Variants in CACNA1G observed in about 807,000 individuals in gnomAD.
CACNA1G encodes voltage-dependent T-type calcium channel subunit alpha-1G.
CACNA1G carries 67 observed loss-of-function variants against 219.4 expected under a neutral mutation model. That is an observed-to-expected ratio of 0.31 (90% CI 0.25 to 0.37). CACNA1G has a LOEUF of 0.37. Ranked by LOEUF, CACNA1G falls within the 10% of genes least tolerant of loss-of-function variation. The pLI is 1.00. For missense variants in CACNA1G, 2,380 were observed against 3,231.4 expected, an observed-to-expected ratio of 0.74 and a Z score of 6.39; for synonymous variants, 1,296 against 1,345.3, an observed-to-expected ratio of 0.96 and a Z score of 0.80.
chr17:50,570,699 C>G (rs2039231551), intron 4 of CACNA1G, among the ~76,000 whole-genome samples: 1 of 152,146 alleles, frequency 6.6e-6, no homozygotes, highest in Non-Finnish European at 1.5e-5. Flanking sequence ...CGCCTCCTCT[C>G]CCGCCCCAGG....
intron 26 of CACNA1G, among the ~76,000 whole-genome samples, chr17:50,614,912 C>A (rs1275786917): frequency 6.6e-6 from 1 of 152,238 alleles, no homozygotes; most frequent in Non-Finnish European, 1.5e-5. Flanking sequence ...ATCTCCTCTG[C>A]TCCCCCGAGG....
chr17:50,606,880 C>T lies in CACNA1G; in HGVS notation c.4423-20C>T, dbSNP rs1482095102. The T allele has an allele frequency of 6.3e-7, 1 of 1,589,420 alleles. No individual in the cohort carries two copies. The highest frequency in any genetic ancestry group is 1.1e-5 in the South Asian group (1 of 90,314). Reference sequence around the variant, plus strand: ...ACACATCCTAGACTTCAAATGTCTCCTTCTCCTCCTCCCCATCAGGCCCTG... The same window carrying T: ...ACACATCCTAGACTTCAAATGTCTCTTTCTCCTCCTCCCCATCAGGCCCTG... On this transcript the variant is annotated intron_variant, in intron 23 of 37. Coordinates refer to ENST00000359106, the MANE Select transcript of CACNA1G (RefSeq NM_018896.5).
intron 13 of CACNA1G, among the ~76,000 whole-genome samples, chr17:50,594,471 A>G (rs1026683831): frequency 6.6e-5 from 10 of 151,900 alleles, no homozygotes; most frequent in Non-Finnish European, 1.3e-4. Context: ...CTTCCTACCC[A>G]TTCCCCAAGC....
At chr17:50,597,606 T>C in intron 16 of CACNA1G, among the ~76,000 whole-genome samples, 1 of 152,262 alleles carries the variant, frequency 6.6e-6, no homozygotes, top group East Asian at 1.9e-4. Flanking sequence ...AGCATATGCA[T>C]CACTTCACAT....
At position 50,578,354 on chromosome 17, in the gene CACNA1G, A is replaced by G. The variant is rs769739522; in HGVS notation, c.2091A>G (p.Thr697=). The part of the protein sequence containing the change: ...DSDSEAVYEF[T]QDAQHSDLRD... ...ACAGCGAGGCAGTTTATGAGTTCACACAGGATGCCCAGCACAGCGACCTCC... is the reference window on the plus strand; with the variant it reads ...ACAGCGAGGCAGTTTATGAGTTCACGCAGGATGCCCAGCACAGCGACCTCC... Residue 697 remains threonine, a synonymous_variant, in exon 9 of 38, where the codon ACA becomes ACG. Coordinates refer to ENST00000359106, the MANE Select transcript of CACNA1G (RefSeq NM_018896.5). This position sits in a 1 kb window ranked among gnomAD's most constrained non-coding sequence, Gnocchi z 4.5. 3 of 1,613,178 alleles carry G rather than the reference A, an allele frequency of 1.9e-6. No individual in the cohort carries two copies. In the Admixed American group the frequency reaches 5.0e-5, roughly 27 times the overall value.
rs1598751722 is a variant in CACNA1G at position 50,618,875 on chromosome 17, A to C, written c.5648A>C (p.His1883Pro). 1 of 1,612,170 alleles carries C rather than the reference A, an allele frequency of 6.2e-7. No homozygotes were observed. Among genetic ancestry groups the C allele is most frequent in the Non-Finnish European group, 8.5e-7 (1 of 1,179,502 alleles). ...LEMKTLSPQP[H>P]SPLGSPFLWP... ...ATGAAGACCCTCAGCCCCCAGCCCCACTCGCCACTGGGCAGCCCCTTCCTC... is the reference window on the plus strand; with the variant it reads ...ATGAAGACCCTCAGCCCCCAGCCCCCCTCGCCACTGGGCAGCCCCTTCCTC... The change falls in exon 33 of 38, where the codon CAC becomes CCC. Residue 1883 changes from histidine (H) to proline (P), a missense_variant. His to Pro is a moderately conservative substitution (Grantham distance 77). This residue lies in a region of CACNA1G where 672 missense variants were observed against 670.5 expected (regional missense o/e 1.00). Transcript: ENST00000359106. The surrounding 1 kb of genome is among the most constrained non-coding windows in gnomAD (Gnocchi z 5.3).
At chr17:50,572,945 G>A (rs1488897121) in intron 6 of CACNA1G, 76 bp from the exon 7 acceptor site, 2 of 1,565,718 alleles carry the variant, frequency 1.3e-6, no homozygotes, top group African/African-American at 2.7e-5. Context: ...GGTTGGGGTG[G>A]GGGTCAAGGC....
intron 1 of CACNA1G, among the ~76,000 whole-genome samples, chr17:50,568,144 C>G (rs198544): frequency 0.54 from 81,585 of 151,974 alleles, 22,512 homozygotes; most frequent in East Asian, 0.93. Flanking sequence ...GCTGTAGCAG[C>G]GGGGACTGCA....
In CACNA1G at chr17:50,617,634, G is replaced by A. The variant is rs1598738150; in HGVS notation, c.5155+63G>A. The A allele has an allele frequency of 6.3e-7, 1 of 1,581,684 alleles. No homozygotes were observed. Among genetic ancestry groups the A allele is most frequent in the Non-Finnish European group, 8.6e-7 (1 of 1,159,714 alleles). ...ACCAGCCCAGGGAGAGAGAGCAAGG[G>A]TCGGCTTTGTGGCTGGTCAAGGCCT... On this transcript the variant is annotated intron_variant, in intron 29 of 37. Coordinates refer to ENST00000359106, the MANE Select transcript of CACNA1G (RefSeq NM_018896.5). This position sits in a 1 kb window ranked among gnomAD's most constrained non-coding sequence, Gnocchi z 5.8.
intron 8 of CACNA1G, among the ~76,000 whole-genome samples, chr17:50,576,882 C>T (rs1045669734): frequency 1.3e-5 from 2 of 152,206 alleles, no homozygotes; most frequent in African/African-American, 4.8e-5. Context: ...TCATTGCCTC[C>T]GCACAGGGAG....
At chr17:50,581,280 G>A (rs1181322959) in intron 9 of CACNA1G, among the ~76,000 whole-genome samples, 1 of 151,936 alleles carries the variant, frequency 6.6e-6, no homozygotes, top group East Asian at 1.9e-4. Context: ...GGCAGAGACG[G>A]GGTGGGATGG....
intron 26 of CACNA1G, among the ~76,000 whole-genome samples, chr17:50,612,722 G>GTA (rs2049492434): frequency 6.6e-6 from 1 of 152,202 alleles, no homozygotes; most frequent in South Asian, 2.1e-4. Flanking sequence ...CCCTCCTTCT[G>GTA]TACCCTTCCT....
chr17:50,614,491 C>T (rs955005251), intron 26 of CACNA1G, among the ~76,000 whole-genome samples: 38 of 152,354 alleles, frequency 2.5e-4, no homozygotes, highest in African/African-American at 8.2e-4. Flanking sequence ...AAGAGGGCCC[C>T]CCTGAAATCT....
chr17:50,620,831 C>T (rs1255336018), intron 34 of CACNA1G, among the ~76,000 whole-genome samples: 2 of 152,194 alleles, frequency 1.3e-5, no homozygotes, highest in Admixed American at 1.3e-4. Context: ...AGTCCCTTTC[C>T]GAGGCCTCCC....
chr17:50,615,644 G>T, intron 27 of CACNA1G, 132 bp downstream of exon 27: 2 of 925,510 alleles, frequency 2.2e-6, no homozygotes, highest in Non-Finnish European at 3.1e-6. Flanking sequence ...GGTTCCTCTT[G>T]TGCCCCTTGG....
chr17:50,573,847 A>G (rs777649474), intron 7 of CACNA1G, among the ~76,000 whole-genome samples: 62 of 152,192 alleles, frequency 4.1e-4, no homozygotes, highest in Non-Finnish European at 6.9e-4. Context: ...TTGAGCTAAT[A>G]TTTATTGAGC....
intron 13 of CACNA1G, among the ~76,000 whole-genome samples, chr17:50,593,838 T>A (rs2044906614): frequency 6.6e-6 from 1 of 152,096 alleles, no homozygotes; most frequent in African/African-American, 2.4e-5. Context: ...GGAGTGCCCA[T>A]GGGAGGGGCT....
At chr17:50,619,036 G>A in intron 33 of CACNA1G, 28 bp downstream of exon 33, 1 of 1,474,598 alleles carries the variant, frequency 6.8e-7, no homozygotes, top group Non-Finnish European at 9.0e-7. Flanking sequence ...CCAGCCGTGA[G>A]AGGAGCTGGG....
Position 50,626,694 on chromosome 17 carries a change from GA to G in CACNA1G, c.7080del (p.Asp2361MetfsTer3). The G allele has an allele frequency of 6.2e-7, 1 of 1,613,252 alleles. No homozygotes were observed. Among genetic ancestry groups the G allele is most frequent in the Admixed American group, 1.7e-5 (1 of 60,024 alleles). On this transcript the variant is annotated frameshift_variant, in exon 38 of 38. Coordinates refer to ENST00000359106, the MANE Select transcript of CACNA1G (RefSeq NM_018896.5). LOFTEE classifies it high-confidence loss of function. This position sits in a 1 kb window ranked among gnomAD's most constrained non-coding sequence, Gnocchi z 4.3. The part of the protein sequence containing the change: ...DSMAASPSPK[K>X]DVLSLSGLSS... Reference sequence around the variant, plus strand: ...GCATGGCTGCCTCGCCCTCCCCAAAGAAAGATGTGCTGAGTCTCTCCGGTTT... The same window carrying G: ...GCATGGCTGCCTCGCCCTCCCCAAAGAAGATGTGCTGAGTCTCTCCGGTTT...
Sources: gnomAD v4.1 joint callset for allele counts (sites outside exome capture counted in the v4.1 genomes callset) on GRCh38, gnomAD v4.1.1 for gene constraint, gnomAD v4.1.1 regional missense constraint, Gnocchi (gnomAD v3.1) non-coding constraint, MANE v1.5 for transcripts, NCBI Gene and HGNC (gene_info 2026-07-23, HGNC 2026-07-21) for gene names.